BTAF1: variants seen among roughly 807,000 people sequenced by gnomAD.
BTAF1 encodes TATA-binding protein-associated factor 172.
In BTAF1, 38 loss-of-function variants were observed where a neutral mutation model predicts 227.1. The observed-to-expected ratio is 0.17, with a 90% CI of 0.13 to 0.22. BTAF1 has a LOEUF of 0.22. Ranked by LOEUF, BTAF1 falls within the 10% of genes least tolerant of loss-of-function variation. The pLI, the probability that BTAF1 is intolerant of heterozygous loss-of-function variation, is 1.00. For synonymous variants in BTAF1, 742 were observed against 751.9 expected (o/e 0.99, Z 0.21); for missense variants, 1,598 against 2,204.0 (o/e 0.73, Z 5.51).
intron 33 of BTAF1, among the ~76,000 whole-genome samples, chr10:92,016,987 G>T (rs1017182149): frequency 6.6e-6 from 1 of 152,038 alleles, no homozygotes; most frequent in Non-Finnish European, 1.5e-5. Context: ...ATGAAAAGAA[G>T]GGCTTTAGAA....
intron 4 of BTAF1, among the ~76,000 whole-genome samples, chr10:91,942,969 ATT>A (rs1845112555): frequency 6.6e-6 from 1 of 152,134 alleles, no homozygotes; most frequent in African/African-American, 2.4e-5. Context: ...TTTATCACAT[ATT>A]TCTGATATTA....
chr10:91,977,614 A>G (rs1847786895), intron 14 of BTAF1, among the ~76,000 whole-genome samples: 2 of 152,058 alleles, frequency 1.3e-5, no homozygotes, highest in Admixed American at 1.3e-4. Context: ...CAATTGCTGG[A>G]TGGTAAGAGT....
At chr10:91,932,714 C>G (rs1844353701) in intron 1 of BTAF1, among the ~76,000 whole-genome samples, 1 of 152,190 alleles carries the variant, frequency 6.6e-6, no homozygotes, top group Non-Finnish European at 1.5e-5. Context: ...AGGAAGTAAT[C>G]TCTGTTGCAT....
intron 24 of BTAF1, 88 bp from the exon 25 acceptor site, chr10:91,997,515 T>C: frequency 1.7e-6 from 2 of 1,202,320 alleles, no homozygotes; most frequent in South Asian, 1.5e-5. Flanking sequence ...ATGGTGAGCC[T>C]TTTAAAAAGT....
intron 24 of BTAF1, 109 bp from the exon 25 acceptor site, chr10:91,997,494 C>T: frequency 4.3e-6 from 4 of 935,200 alleles, no homozygotes; most frequent in Non-Finnish European, 6.3e-6. Flanking sequence ...CCTCATAATA[C>T]AGATGAGAAA....
intron 1 of BTAF1, among the ~76,000 whole-genome samples, chr10:91,926,537 C>G (rs1385687406): frequency 6.6e-6 from 1 of 152,174 alleles, no homozygotes; most frequent in Admixed American, 6.5e-5. Context: ...ATACCAGTTA[C>G]CACAATCCTA....
chr10:91,984,635 T>C (rs1285882558), intron 19 of BTAF1, among the ~76,000 whole-genome samples: 2 of 152,168 alleles, frequency 1.3e-5, no homozygotes, highest in Non-Finnish European at 2.9e-5. Flanking sequence ...TCAATGCACC[T>C]TTATTAGAAA....
rs1345249653 is a variant in BTAF1, at chr10:91,991,287, T to TATATGG, written c.2855-828_2855-827insGGATAT. 2.7e-4 allele frequency among the ~76,000 whole-genome samples: 36 copies of TATATGG among 130,956 alleles called. 1 individual carries two copies. Among genetic ancestry groups the TATATGG allele is most frequent in the African/African-American group, 6.0e-4 (23 of 38,632 alleles). 85.9% of individuals were successfully genotyped at this position (130,956 alleles called of 152,430 possible). ...ATAAATATAAATATATATATATATA[T>TATATGG]ATATAAATTATCCGGACGTGGTGGC... On this transcript the variant is annotated intron_variant, in intron 20 of 37. Transcript: ENST00000265990.
intron 34 of BTAF1, among the ~76,000 whole-genome samples, chr10:92,019,307 C>G (rs900180270): frequency 5.3e-5 from 8 of 152,156 alleles, no homozygotes; most frequent in Admixed American, 2.0e-4. Context: ...TTTGCCTGTT[C>G]TAAATATTTC....
intron 4 of BTAF1, among the ~76,000 whole-genome samples, chr10:91,949,603 C>G (rs1845608926): frequency 6.6e-6 from 1 of 152,170 alleles, no homozygotes; most frequent in Non-Finnish European, 1.5e-5. Flanking sequence ...GACAATAGCT[C>G]AAATCTCAAT....
chr10:91,981,136 G>A (rs1173510411), intron 15 of BTAF1, among the ~76,000 whole-genome samples: 1 of 152,074 alleles, frequency 6.6e-6, no homozygotes, highest in East Asian at 1.9e-4. Flanking sequence ...TCTTGCCATA[G>A]GCTAGTCCTA....
Position 92,009,183 on chromosome 10 carries a change from A to G in BTAF1, c.4078A>G (p.Thr1360Ala), listed in dbSNP as rs1398247548. The change falls in exon 28 of 38, where the codon ACT becomes GCT. Residue 1360 changes from threonine (T) to alanine (A), a missense_variant. Coordinates refer to ENST00000265990, the MANE Select transcript of BTAF1 (RefSeq NM_003972.3). ...SREYLNPLHY[T>A]GPPTERIRLQ... ...AGAATATCTCAACCCGTTGCATTAC[A>G]CTGGACCTCCCACTGAAAGAATAAG... 12 of 1,613,970 alleles carry G rather than the reference A, an allele frequency of 7.4e-6. No individual in the cohort carries two copies. The highest frequency in any genetic ancestry group is 5.3e-5 in the African/African-American group (4 of 74,930).
Position 92,014,782 on chromosome 10 carries a change from G to A in BTAF1, c.4584+753G>A, listed in dbSNP as rs368643184. 5.9e-5 allele frequency among the ~76,000 whole-genome samples: 9 copies of A among 152,210 alleles called. No individual in the cohort carries two copies. The South Asian group carries it at 1.2e-3, about 21-fold the overall frequency. On this transcript the variant is annotated intron_variant, in intron 32 of 37. Coordinates refer to ENST00000265990, the MANE Select transcript of BTAF1 (RefSeq NM_003972.3). ...ATGGCTTGGGTGATTTCTCAGAAAC[G>A]CATCATTAGGTGATTTTGTCATTGT...
intron 26 of BTAF1, 23 bp from the exon 27 acceptor site, chr10:92,008,806 T>C: frequency 6.5e-7 from 1 of 1,548,058 alleles, no homozygotes; most frequent in African/African-American, 1.4e-5. Flanking sequence ...TGTATTCACA[T>C]TTATGATTTT....
At chr10:91,968,682 T>C (rs755095919) in intron 14 of BTAF1, among the ~76,000 whole-genome samples, 15 of 152,230 alleles carry the variant, frequency 9.9e-5, no homozygotes, top group Non-Finnish European at 2.2e-4. Context: ...TTCCTATTGC[T>C]TTACATTCTG....
intron 23 of BTAF1, among the ~76,000 whole-genome samples, chr10:91,995,907 T>C (rs1471444284): frequency 6.6e-6 from 1 of 152,214 alleles, no homozygotes. Flanking sequence ...CAGTGGACGA[T>C]ACCTACCAAA....
At chr10:91,990,058 C>G (rs1848634247) in intron 20 of BTAF1, among the ~76,000 whole-genome samples, 1 of 152,172 alleles carries the variant, frequency 6.6e-6, no homozygotes, top group Non-Finnish European at 1.5e-5. Context: ...GTAAATAATA[C>G]TTAACCAACT....
chr10:92,003,673 C>T (rs1589940338), intron 25 of BTAF1, among the ~76,000 whole-genome samples: 2 of 152,232 alleles, frequency 1.3e-5, no homozygotes, highest in Admixed American at 1.3e-4. Context: ...GGGTTGATTC[C>T]AAATCTCAGC....
intron 14 of BTAF1, among the ~76,000 whole-genome samples, chr10:91,967,843 T>A (rs1431763560): frequency 6.6e-6 from 1 of 152,180 alleles, no homozygotes; most frequent in East Asian, 1.9e-4. Context: ...GTTACCAAAT[T>A]TTTTATCTTC....
Sources: allele counts gnomAD v4.1 joint callset (sites outside exome capture counted in the v4.1 genomes callset), GRCh38; gene constraint gnomAD v4.1.1; transcripts MANE v1.5; gene names NCBI Gene and HGNC (gene_info 2026-07-23, HGNC 2026-07-21).